The following ANO4 variants were observed in gnomAD, a reference collection of about 807,000 sequenced individuals.
ANO4 encodes the protein anoctamin-4.
Under a neutral mutation model 141.9 loss-of-function variants are expected in ANO4, and 69 were observed. The observed-to-expected ratio is 0.49, with a 90% confidence interval of 0.40 to 0.59. The LOEUF is 0.59. Ranked by LOEUF, ANO4 falls within the 20% of genes least tolerant of loss-of-function variation. The pLI is 0.00. For synonymous variants in ANO4, 350 were observed against 394.3 expected (o/e 0.89, Z 1.33); for missense variants, 894 against 1,162.2 (o/e 0.77, Z 3.36).
chr12:100,870,169 G>T (rs889528274), intron 1 of ANO4, among the ~76,000 whole-genome samples: 1 of 152,100 alleles, frequency 6.6e-6, no homozygotes, highest in African/African-American at 2.4e-5. Flanking sequence ...CTGTGGAAAG[G>T]GTTGCTGGAA....
chr12:101,039,639 T>C (rs1566162239), intron 10 of ANO4, among the ~76,000 whole-genome samples: 1 of 152,250 alleles, frequency 6.6e-6, no homozygotes. Flanking sequence ...AGTTCCACTA[T>C]GGATTAGGAA....
rs2049372935 is a variant in ANO4, at chr12:101,083,692, C to T, written c.1410C>T (p.Pro470=). 1 of 1,606,880 alleles carries T rather than the reference C, an allele frequency of 6.2e-7. No homozygotes were observed. Among genetic ancestry groups the T allele is most frequent in the Non-Finnish European group, 8.5e-7 (1 of 1,178,376 alleles). Residue 470 remains proline (P), a synonymous_variant, in exon 16 of 28, where the codon CCC becomes CCT. Transcript: ENST00000392977. ...TTGTCCTTTAGGAAGAAATACGACC[C>T]CAGTTTGAAGCCAAGTATTCCAAGA... ...DWEEEEEEIR[P]QFEAKYSKKE... is the part of the protein sequence containing the mutation.
chr12:100,874,793 T>C (rs2039212649), intron 1 of ANO4, among the ~76,000 whole-genome samples: 2 of 152,154 alleles, frequency 1.3e-5, no homozygotes, highest in African/African-American at 4.8e-5. Context: ...GTTCTGGGAT[T>C]CCATGCGTGA....
chr12:101,117,826 T>C (rs762569444), intron 25 of ANO4, among the ~76,000 whole-genome samples: 27 of 152,210 alleles, frequency 1.8e-4, no homozygotes, highest in Non-Finnish European at 3.5e-4. Flanking sequence ...ACTTTTGTAA[T>C]GATCCACTTC....
chr12:101,093,723 A>G (rs1178118121), intron 17 of ANO4, among the ~76,000 whole-genome samples: 1 of 152,062 alleles, frequency 6.6e-6, no homozygotes, highest in Non-Finnish European at 1.5e-5. Context: ...AGGATGCGTG[A>G]GTTAAGGAGG....
At chr12:100,770,822 C>T (rs17030574) in intron 3 of ANO4, among the ~76,000 whole-genome samples, 2 of 137,082 alleles carry the variant, frequency 1.5e-5, no homozygotes. Context: ...TCTGTATCTA[C>T]TTTGATTGTA....
At chr12:100,938,436 A>G (rs113862108) in intron 3 of ANO4, among the ~76,000 whole-genome samples, 3 of 152,230 alleles carry the variant, frequency 2.0e-5, no homozygotes, top group Non-Finnish European at 2.9e-5. Flanking sequence ...GAAGAACCCA[A>G]TCCCTCATGA....
intron 8 of ANO4, among the ~76,000 whole-genome samples, chr12:100,987,961 A>G (rs1161845185): frequency 6.6e-6 from 1 of 152,132 alleles, no homozygotes; most frequent in African/African-American, 2.4e-5. Context: ...TGTCATTCTC[A>G]TTGCTCTGCC....
At chr12:100,739,997 C>A (rs966354910) in exon 3 of ANO4, 4 of 702,462 alleles carry the variant, frequency 5.7e-6, no homozygotes, top group Non-Finnish European at 1.0e-5. Context: ...ATCCTTCACC[C>A]GCAAGACTGA....
chr12:100,746,453 T>TAAAAACAAAAAAAAAAA (rs58996492), intron 3 of ANO4, among the ~76,000 whole-genome samples: 16 of 146,910 alleles, frequency 1.1e-4, no homozygotes. Context: ...ACTCTGTTAT[T>TAAAAACAAAAAAAAAAA]AAAAAGAATG....
At chr12:101,002,415 G>A (rs1592981792) in intron 8 of ANO4, among the ~76,000 whole-genome samples, 1 of 152,206 alleles carries the variant, frequency 6.6e-6, no homozygotes, top group South Asian at 2.1e-4. Context: ...AGCTTTTAAT[G>A]ATTCCCCAGG....
At chr12:100,772,187 A>T (rs2033328768) in intron 3 of ANO4, among the ~76,000 whole-genome samples, 1 of 152,202 alleles carries the variant, frequency 6.6e-6, no homozygotes, top group South Asian at 2.1e-4. Flanking sequence ...TCAGTTTGGT[A>T]CTAGTTGAGG....
At chr12:100,939,934 A>AT (rs992606047) in intron 4 of ANO4, among the ~76,000 whole-genome samples, 7 of 151,850 alleles carry the variant, frequency 4.6e-5, no homozygotes, top group South Asian at 2.1e-4. Context: ...AAAAATTAGT[A>AT]TTTTTTTTGG....
chr12:101,032,660 C>T (rs1593071444), intron 9 of ANO4, among the ~76,000 whole-genome samples: 1 of 151,818 alleles, frequency 6.6e-6, no homozygotes, highest in East Asian at 1.9e-4. Context: ...GGGTGAAGGA[C>T]ATGAACAGAC....
intron 3 of ANO4, chr12:100,740,225 A>G: frequency 1.6e-6 from 1 of 642,370 alleles, no homozygotes; most frequent in African/African-American, 1.8e-5. Context: ...GGACCCCAAC[A>G]ATACCTCTAT....
chr12:100,763,908 CT>C (rs201938425), intron 3 of ANO4, among the ~76,000 whole-genome samples: 19 of 147,716 alleles, frequency 1.3e-4, no homozygotes, highest in East Asian at 2.0e-4. Flanking sequence ...CTAGGAACCA[CT>C]TTTTTTTTTT....
chr12:101,044,047 G>A (rs1052803560), intron 13 of ANO4, among the ~76,000 whole-genome samples: 2 of 152,142 alleles, frequency 1.3e-5, no homozygotes, highest in Admixed American at 6.5e-5. Flanking sequence ...ATAGTGCTTG[G>A]TAAATAGACC....
intron 2 of ANO4, among the ~76,000 whole-genome samples, chr12:100,907,154 T>G (rs1302717004): frequency 6.6e-6 from 1 of 152,214 alleles, no homozygotes; most frequent in Non-Finnish European, 1.5e-5. Flanking sequence ...GCCCACCTTT[T>G]CAAGTCCTCT....
intron 1 of ANO4, among the ~76,000 whole-genome samples, chr12:100,828,143 G>A (rs926363250): frequency 5.3e-5 from 8 of 152,054 alleles, no homozygotes; most frequent in African/African-American, 1.9e-4. Context: ...GGCTTGGCAA[G>A]AAGTCTGGTC....
Sources: allele counts gnomAD v4.1 joint callset (sites outside exome capture counted in the v4.1 genomes callset), GRCh38; gene constraint gnomAD v4.1.1; transcripts MANE v1.5; gene names NCBI Gene and HGNC (gene_info 2026-07-23, HGNC 2026-07-21).